The following TMC4 variants were observed in gnomAD, a reference collection of about 807,000 sequenced individuals.
TMC4 encodes the protein voltage-gated chloride channel TMC4.
In TMC4, 70 loss-of-function variants were observed where a neutral mutation model predicts 82.0. The ratio of observed to expected loss-of-function variants is 0.85; its 90% CI spans 0.70 to 1.04. The LOEUF is 1.04. Ranked by LOEUF, TMC4 falls within the 50% of genes least tolerant of loss-of-function variation. The pLI is 0.00. For synonymous variants in TMC4, 446 were observed against 406.0 expected, an observed-to-expected ratio of 1.10 and a Z score of -1.18; for missense variants, 879 against 899.0, an observed-to-expected ratio of 0.98 and a Z score of 0.28.
At chr19:54,163,954 C>A in intron 7 of TMC4, 67 bp from the exon 8 acceptor site, 2 of 1,516,700 alleles carry the variant, frequency 1.3e-6, no homozygotes, top group Non-Finnish European at 1.8e-6. Flanking sequence ...AGGTCCTCCC[C>A]CCGGCCTCTT....
chr19:54,166,420 C>T (rs2075707476), intron 5 of TMC4, among the ~76,000 whole-genome samples: 1 of 152,008 alleles, frequency 6.6e-6, no homozygotes, highest in Non-Finnish European at 1.5e-5. Flanking sequence ...TAGAGAACCC[C>T]AGCAGGGGCA....
At chr19:54,163,928 G>C in intron 7 of TMC4, 41 bp from the exon 8 acceptor site, 1 of 1,605,486 alleles carries the variant, frequency 6.2e-7, no homozygotes, top group Non-Finnish European at 8.5e-7. Flanking sequence ...TTGGGGTCCT[G>C]GAGGAGCCAA....
chr19:54,164,837 A>C, intron 6 of TMC4: 1 of 587,770 alleles, frequency 1.7e-6, no homozygotes, highest in East Asian at 3.0e-5. Context: ...TCCGCGGTCA[A>C]TCTCAGCACC....
chr19:54,168,312 C>T lies in TMC4; in HGVS notation c.676-20G>A, dbSNP rs1024944001. ...GTAACCCTGTGGGGGGAAGGCGGCG[C>T]AGGGGCCACTGTGGGAGGAGGCGGG... On this transcript the variant is annotated intron_variant, in intron 4 of 14. Coordinates refer to ENST00000619895, the MANE Select transcript of TMC4 (RefSeq NM_144686.4). 8 of 1,547,496 alleles carry T rather than the reference C, an allele frequency of 5.2e-6. No homozygotes were observed. In the African/African-American group the frequency reaches 1.1e-4, roughly 21 times the overall value.
Position 54,172,104 on chromosome 19 carries a change from G to A in TMC4, c.80-21C>T. The A allele has an allele frequency of 2.0e-6, 3 of 1,514,548 alleles. No individual in the cohort carries two copies. In the South Asian group the frequency reaches 3.8e-5, roughly 19 times the overall value. The allele number at this position is 1,514,548 out of a possible 1,614,324, so 93.8% of individuals were successfully genotyped here. On this transcript the variant is annotated intron_variant, in intron 1 of 14. Coordinates refer to ENST00000619895, the MANE Select transcript of TMC4 (RefSeq NM_144686.4). ...TGGGCCTGGGGAGGAGCAGGGGGCT[G>A]GGAAGACCCGGGAGTCTGGGCCCTA...
chr19:54,162,308 G>T, intron 10 of TMC4, 23 bp from the exon 11 acceptor site: 1 of 1,474,222 alleles, frequency 6.8e-7, no homozygotes, highest in South Asian at 1.3e-5. Flanking sequence ...GCGGGGCCGG[G>T]CCGGAGTCAG....
rs2075586366 is a variant in TMC4, at chr19:54,162,422, A to T, written c.1503-137T>A. On this transcript the variant is annotated intron_variant, in intron 10 of 14. Transcript: ENST00000619895. Reference sequence around the variant, plus strand: ...GGGGGGGCGGGACTTTCAGGACTCCACGTGGAGGGGGTGTGTCCAGAGGGC... The same window carrying T: ...GGGGGGGCGGGACTTTCAGGACTCCTCGTGGAGGGGGTGTGTCCAGAGGGC... 3 of 669,528 alleles carry T rather than the reference A, an allele frequency of 4.5e-6. No individual in the cohort carries two copies. The South Asian group carries it at 6.1e-5, about 14-fold the overall frequency. 41.5% of individuals were successfully genotyped at this position (669,528 alleles called of 1,614,324 possible). A position where few individuals can be genotyped will look rare whatever the true frequency, so the allele number is the denominator to read the frequency against.
chr19:54,162,844 C>T lies in TMC4; in HGVS notation c.1405-74G>A, dbSNP rs958237858. 2.6e-6 allele frequency: 4 copies of T among 1,514,990 alleles called. No homozygotes were observed. The African/African-American group carries it at 4.1e-5, about 16-fold the overall frequency. The allele number at this position is 1,514,990 out of a possible 1,614,324, so 93.8% of individuals were successfully genotyped here. ...GGAGGCCCACGCGTCCGAGTCTCCA[C>T]ATCGCAAGCCTATGAGACCCTGTCA... On this transcript the variant is annotated intron_variant, in intron 9 of 14. Transcript: ENST00000619895.
intron 3 of TMC4, 41 bp from the exon 4 acceptor site, chr19:54,168,721 G>A: frequency 7.2e-7 from 1 of 1,385,808 alleles, no homozygotes. Context: ...TCCTTCCCGG[G>A]AGCAGGACCA....
chr19:54,163,788 A>G lies in TMC4; in HGVS notation c.1213T>C (p.Phe405Leu), dbSNP rs771857710. 7 of 1,613,992 alleles carry G rather than the reference A, an allele frequency of 4.3e-6. No homozygotes were observed. The highest frequency in any genetic ancestry group is 3.4e-6 in the Non-Finnish European group (4 of 1,180,012). ...AGVNFVLPPV[F>L]KLIAPLEGYT... is the part of the protein sequence containing the mutation. ...CCCTCCAGTGGAGCAATGAGCTTGA[A>G]CACGGGCGGCAGCACAAAATTGACC... Residue 405 changes from phenylalanine to leucine, a missense_variant, in exon 8 of 15, where the codon TTC (phenylalanine) becomes CTC (leucine). Coordinates refer to ENST00000619895, the MANE Select transcript of TMC4 (RefSeq NM_144686.4).
Position 54,163,818 on chromosome 19 carries a change from C to T in TMC4, c.1183G>A (p.Ala395Thr), listed in dbSNP as rs759651634. ...GVNYLPSIFIAGVNFVLPPVF... is the reference protein window; with the variant it reads ...GVNYLPSIFITGVNFVLPPVF... Reference sequence around the variant, plus strand: ...GGCGGCAGCACAAAATTGACCCCAGCGATGAAGATGGACGGAAGGTAATTC... The same window carrying T: ...GGCGGCAGCACAAAATTGACCCCAGTGATGAAGATGGACGGAAGGTAATTC... Residue 395 changes from alanine to threonine, a missense_variant, in exon 8 of 15, where the codon GCT becomes ACT. Coordinates refer to ENST00000619895, the MANE Select transcript of TMC4 (RefSeq NM_144686.4). 1.2e-6 allele frequency: 2 copies of T among 1,613,942 alleles called. No homozygotes were observed. Among genetic ancestry groups the T allele is most frequent in the South Asian group, 1.1e-5 (1 of 91,066 alleles).
At position 54,168,658 on chromosome 19, in the gene TMC4, C is replaced by A; in HGVS notation, c.465G>T (p.Glu155Asp). Reference protein sequence around the residue: ...RIGGQFGAGTESYFSLLRFLL... With the variant: ...RIGGQFGAGTDSYFSLLRFLL... ...GGAAGCGCAGCAGGGAGAAGTAGGA[C>A]TCCGTGCCGGCGCCAAACTGGCCTG... is the stretch of plus-strand genomic sequence containing the variant. The change falls in exon 4 of 15, where the codon GAG becomes GAT. Residue 155 changes from glutamate to aspartate, a missense_variant. Coordinates refer to ENST00000619895, the MANE Select transcript of TMC4 (RefSeq NM_144686.4). 1.3e-6 allele frequency: 2 copies of A among 1,559,064 alleles called. No homozygotes were observed. Among genetic ancestry groups the A allele is most frequent in the Non-Finnish European group, 8.7e-7 (1 of 1,151,802 alleles).
Position 54,171,874 on chromosome 19 carries a change from G to A in TMC4, c.289C>T (p.His97Tyr), listed in dbSNP as rs77215230. Residue 97 changes from histidine (H) to tyrosine (Y), a missense_variant, in exon 2 of 15, where the codon CAC becomes TAC. By Grantham distance (83) the His-to-Tyr change is moderately conservative. Coordinates refer to ENST00000619895, the MANE Select transcript of TMC4 (RefSeq NM_144686.4). ...CAGCTGGAGGTGGGGCCTCACCTGTGTGCCCGTCTGGCCTGCATGGGCCAG... is the reference window on the plus strand; with the variant it reads ...CAGCTGGAGGTGGGGCCTCACCTGTATGCCCGTCTGGCCTGCATGGGCCAG... The part of the protein sequence containing the change: ...LPWPMQARRA[H>Y]RQRNASRDQV... 189,822 of 1,599,648 alleles carry A rather than the reference G, an allele frequency of 0.12. 11,912 individuals carry two copies. Among genetic ancestry groups the A allele is most frequent in the South Asian group, 0.19 (16,796 of 88,800 alleles).
chr19:54,171,760 G>C (rs1273088984), intron 2 of TMC4, 110 bp downstream of exon 2: 2 of 976,348 alleles, frequency 2.0e-6, no homozygotes, highest in Non-Finnish European at 1.5e-6. Flanking sequence ...GGCAGAGAGA[G>C]GCCCCAGAAG....
intron 5 of TMC4, among the ~76,000 whole-genome samples, chr19:54,166,243 G>T (rs1286250860): frequency 6.6e-6 from 1 of 151,220 alleles, no homozygotes; most frequent in Admixed American, 6.6e-5. Context: ...GCCAGGCGTG[G>T]TGGTGCATGC....
Position 54,168,292 on chromosome 19 carries a change from C to T in TMC4, c.676G>A (p.Gly226Ser), listed in dbSNP as rs1218632157. 6 of 1,551,824 alleles carry T rather than the reference C, an allele frequency of 3.9e-6. No individual in the cohort carries two copies. In the Admixed American group the frequency reaches 1.2e-4, roughly 30 times the overall value. ...AAGAGAGGGGACCATTCCAGGTAACCCTGTGGGGGGAAGGCGGCGCAGGGG... is the reference window on the plus strand; with the variant it reads ...AAGAGAGGGGACCATTCCAGGTAACTCTGTGGGGGGAAGGCGGCGCAGGGG... ...TQLFNLLSGE[G>S]YLEWSPLFYG... Residue 226 changes from glycine to serine, a missense_variant and splice_region_variant, in exon 5 of 15, where the codon GGT becomes AGT. Coordinates refer to ENST00000619895, the MANE Select transcript of TMC4 (RefSeq NM_144686.4).
At chr19:54,165,637 A>G in intron 5 of TMC4, 71 bp from the exon 6 acceptor site, 2 of 1,510,706 alleles carry the variant, frequency 1.3e-6, no homozygotes, top group Non-Finnish European at 1.8e-6. Context: ...GAGACCCCTC[A>G]TATTGGGACA....
At chr19:54,172,991 C>T in intron 1 of TMC4, 48 bp downstream of exon 1, 1 of 1,563,398 alleles carries the variant, frequency 6.4e-7, no homozygotes, top group Non-Finnish European at 8.7e-7. Context: ...AGGACTCCCA[C>T]CTAGCCTGAA....
chr19:54,169,515 C>CGAT lies in TMC4; in HGVS notation c.436_438dup (p.Ile146dup). On this transcript the variant is annotated inframe_insertion, in exon 3 of 15. Coordinates refer to ENST00000619895, the MANE Select transcript of TMC4 (RefSeq NM_144686.4). Reference sequence around the variant, plus strand: ...CACCACCCAAACCCCACCGCACCCCCGATCCTCTTCAGTGTCCACGCCCAG... The same window carrying CGAT: ...CACCACCCAAACCCCACCGCACCCCCGATGATCCTCTTCAGTGTCCACGCCCAG... The CGAT allele has an allele frequency of 6.2e-7, 1 of 1,612,270 alleles. No individual in the cohort carries two copies. Among genetic ancestry groups the CGAT allele is most frequent in the South Asian group, 1.1e-5 (1 of 90,954 alleles).
Sources: gnomAD v4.1 joint callset for allele counts (sites outside exome capture counted in the v4.1 genomes callset) on GRCh38, gnomAD v4.1.1 for gene constraint, MANE v1.5 for transcripts, NCBI Gene and HGNC (gene_info 2026-07-23, HGNC 2026-07-21) for gene names.